GRIK1: variants seen among roughly 807,000 people sequenced by gnomAD.
GRIK1 encodes the protein glutamate receptor ionotropic, kainate 1.
GRIK1 carries 69 observed loss-of-function variants against 105.7 expected under a neutral mutation model. The ratio of observed to expected loss-of-function variants is 0.65; its 90% confidence interval spans 0.54 to 0.80. The LOEUF is 0.80. GRIK1 is among the 30% of genes least tolerant of loss of function. The pLI is 0.00. For synonymous variants in GRIK1, 438 were observed against 431.3 expected, an observed-to-expected ratio of 1.02 and a Z score of -0.19; for missense variants, 1,109 against 1,167.3, an observed-to-expected ratio of 0.95 and a Z score of 0.73.
intron 7 of GRIK1, among the ~76,000 whole-genome samples, chr21:29,610,873 T>A (rs976228449): frequency 8.5e-5 from 13 of 152,190 alleles, no homozygotes; most frequent in African/African-American, 3.1e-4. Context: ...GAAGTTAATT[T>A]TCTGTCCTTA....
intron 1 of GRIK1, among the ~76,000 whole-genome samples, chr21:29,769,432 C>T (rs1207151267): frequency 2.0e-5 from 3 of 152,086 alleles, no homozygotes; most frequent in African/African-American, 7.2e-5. Flanking sequence ...TTTCCAAGGA[C>T]TGGAGGTGAG....
At chr21:29,927,443 T>C (rs1306756830) in intron 1 of GRIK1, among the ~76,000 whole-genome samples, 1 of 150,418 alleles carries the variant, frequency 6.6e-6, no homozygotes, top group African/African-American at 2.4e-5. Flanking sequence ...TTTTGGGCTG[T>C]AGTGTGTATA....
chr21:29,640,704 C>T (rs546443927), intron 7 of GRIK1, among the ~76,000 whole-genome samples: 1 of 152,196 alleles, frequency 6.6e-6, no homozygotes, highest in South Asian at 2.1e-4. Flanking sequence ...TGTTTGATCC[C>T]AAGCTTTCAT....
chr21:29,881,077 T>C (rs1297386615), intron 1 of GRIK1, among the ~76,000 whole-genome samples: 2 of 152,168 alleles, frequency 1.3e-5, no homozygotes, highest in Non-Finnish European at 2.9e-5. Flanking sequence ...TGATTTGTTA[T>C]TACAACCCAG....
At chr21:29,819,312 G>T (rs1166928058) in intron 1 of GRIK1, among the ~76,000 whole-genome samples, 1 of 152,062 alleles carries the variant, frequency 6.6e-6, no homozygotes, top group African/African-American at 2.4e-5. Flanking sequence ...AAGGCTGGCT[G>T]CTTAGAAGCA....
At chr21:29,638,453 C>T (rs554770372) in intron 7 of GRIK1, among the ~76,000 whole-genome samples, 33 of 152,174 alleles carry the variant, frequency 2.2e-4, no homozygotes, top group Admixed American at 3.9e-4. Context: ...GATATGAATT[C>T]GAGATGAGAT....
chr21:29,673,769 G>A (rs2063203969), intron 3 of GRIK1, among the ~76,000 whole-genome samples: 1 of 151,980 alleles, frequency 6.6e-6, no homozygotes, highest in South Asian at 2.1e-4. Flanking sequence ...TTTTTAAAAA[G>A]ACCATAGAAT....
intron 1 of GRIK1, among the ~76,000 whole-genome samples, chr21:29,867,430 T>G (rs1245507545): frequency 6.6e-6 from 1 of 152,142 alleles, no homozygotes; most frequent in African/African-American, 2.4e-5. Flanking sequence ...CAGAAACTCC[T>G]AGTGTGTACC....
chr21:29,841,778 C>T (rs1013857754), intron 1 of GRIK1, among the ~76,000 whole-genome samples: 1 of 152,118 alleles, frequency 6.6e-6, no homozygotes, highest in African/African-American at 2.4e-5. Flanking sequence ...TTTCCTATTT[C>T]CTCTACAACT....
At chr21:29,740,938 T>C (rs1159010912) in intron 1 of GRIK1, among the ~76,000 whole-genome samples, 3 of 152,182 alleles carry the variant, frequency 2.0e-5, no homozygotes, top group Non-Finnish European at 4.4e-5. Flanking sequence ...AGATAGATTT[T>C]AGGGAAGATG....
At chr21:29,714,330 A>C (rs1244229611) in intron 1 of GRIK1, among the ~76,000 whole-genome samples, 1 of 152,180 alleles carries the variant, frequency 6.6e-6, no homozygotes, top group East Asian at 1.9e-4. Flanking sequence ...TGCTATAATA[A>C]AACTAAAAAA....
At chr21:29,684,527 G>C (rs771881580) in intron 3 of GRIK1, among the ~76,000 whole-genome samples, 3 of 148,554 alleles carry the variant, frequency 2.0e-5, no homozygotes, top group Non-Finnish European at 3.0e-5. Context: ...TTTTTTTTGA[G>C]ATGGAGTCTT....
intron 1 of GRIK1, among the ~76,000 whole-genome samples, chr21:29,804,663 A>G (rs1294518323): frequency 6.6e-6 from 1 of 152,198 alleles, no homozygotes; most frequent in Admixed American, 6.6e-5. Flanking sequence ...GACACATTCT[A>G]TGTTATCATT....
intron 12 of GRIK1, 56 bp downstream of exon 12, chr21:29,587,310 A>C: frequency 8.9e-7 from 1 of 1,117,424 alleles, no homozygotes; most frequent in South Asian, 1.3e-5. Context: ...TCTGGGACAT[A>C]CAGAAATCTG....
intron 9 of GRIK1, among the ~76,000 whole-genome samples, chr21:29,593,434 C>A (rs2061360514): frequency 6.6e-6 from 1 of 152,154 alleles, no homozygotes; most frequent in Non-Finnish European, 1.5e-5. Flanking sequence ...TCTTTTTCTT[C>A]TCAATCTCCA....
At chr21:29,546,307 T>C (rs559025335) in intron 16 of GRIK1, among the ~76,000 whole-genome samples, 3 of 152,348 alleles carry the variant, frequency 2.0e-5, no homozygotes, top group Non-Finnish European at 4.4e-5. Flanking sequence ...GAAGACACTA[T>C]GTATGAAACA....
At chr21:29,709,751 T>C (rs1235589186) in intron 1 of GRIK1, among the ~76,000 whole-genome samples, 1 of 152,020 alleles carries the variant, frequency 6.6e-6, no homozygotes, top group African/African-American at 2.4e-5. Context: ...TTGAGTTTGA[T>C]CTTTTATAAT....
chr21:29,620,802 T>TAG (rs1555851179), intron 7 of GRIK1, among the ~76,000 whole-genome samples: 2,076 of 127,334 alleles, frequency 0.016, 21 homozygotes, highest in Admixed American at 0.03. Flanking sequence ...TCTATATATA[T>TAG]ATAGATATAT....
At chr21:29,600,265 A>T (rs1336450594) in intron 7 of GRIK1, among the ~76,000 whole-genome samples, 1 of 152,192 alleles carries the variant, frequency 6.6e-6, no homozygotes, top group African/African-American at 2.4e-5. Flanking sequence ...GGATGAGGAC[A>T]TGGGTAACTT....
Sources: gnomAD v4.1 joint callset for allele counts (sites outside exome capture counted in the v4.1 genomes callset) on GRCh38, gnomAD v4.1.1 for gene constraint, MANE v1.5 for transcripts, NCBI Gene and HGNC (gene_info 2026-07-23, HGNC 2026-07-21) for gene names.